LRP11: variants seen among roughly 807,000 people sequenced by gnomAD.
LRP11 encodes the protein LDL receptor related protein 11, also known as low-density lipoprotein receptor-related protein 11.
A neutral mutation model predicts 43.1 loss-of-function variants in LRP11; 25 were observed. The ratio of observed to expected loss-of-function variants is 0.58; its 90% confidence interval spans 0.42 to 0.81. The LOEUF (loss-of-function observed/expected upper bound fraction) is 0.81. LRP11 is among the 30% of genes least tolerant of loss of function. The pLI, the probability that LRP11 is intolerant of heterozygous loss-of-function variation, is 0.00. For synonymous variants in LRP11, 316 were observed against 299.4 expected (o/e 1.06, Z -0.57); for missense variants, 623 against 665.1 (o/e 0.94, Z 0.70).
rs143912409 is a variant in LRP11, at chr6:149,822,853, T to C, written c.1349-2150A>G. Among the ~76,000 whole-genome samples, 8 of 152,314 alleles carry C rather than the reference T, an allele frequency of 5.3e-5. No individual in the cohort carries two copies. The East Asian group carries it at 1.5e-3, about 29-fold the overall frequency. The stretch of plus-strand genomic sequence containing the variant: ...TGGCTGAAGGAGGTAAGTTTATTTT[T>C]TGACATTTTCAGATTGAGATGCCTA... On this transcript the variant is annotated intron_variant, in intron 6 of 6. Coordinates refer to ENST00000239367, the MANE Select transcript of LRP11 (RefSeq NM_032832.6).
chr6:149,836,376 G>C lies in LRP11; in HGVS notation c.1040-79C>G. 10 of 1,236,748 alleles carry C rather than the reference G, an allele frequency of 8.1e-6. No homozygotes were observed. In the South Asian group the frequency reaches 1.3e-4, roughly 16 times the overall value. The allele number at this position is 1,236,748 out of a possible 1,614,324, so 76.6% of individuals were successfully genotyped here. On this transcript the variant is annotated intron_variant, in intron 4 of 6. Transcript: ENST00000239367. ...TACTAAAAACACTACATCTGCAGCT[G>C]ATTTAAAATCACGGATATTTGGATG...
chr6:149,854,558 T>C (rs1387235326), intron 1 of LRP11, among the ~76,000 whole-genome samples: 2 of 152,226 alleles, frequency 1.3e-5, no homozygotes, highest in Non-Finnish European at 2.9e-5. Flanking sequence ...TACCAAAATT[T>C]TAATTGATGT....
chr6:149,832,191 C>CTTTTTTTTTT (rs5880854), intron 5 of LRP11, among the ~76,000 whole-genome samples: 2 of 130,138 alleles, frequency 1.5e-5, no homozygotes, highest in African/African-American at 6.0e-5. Context: ...TGAGCTAAGT[C>CTTTTTTTTTT]TTTTTTTTTT....
Position 149,829,434 on chromosome 6 carries a change from G to A in LRP11, c.1253-3075C>T, listed in dbSNP as rs147998522. Among the ~76,000 whole-genome samples the A allele has an allele frequency of 5.0e-3, 766 of 152,122 alleles. 4 individuals are homozygous for A. The highest frequency in any genetic ancestry group is 0.018 in the African/African-American group (735 of 41,498). On this transcript the variant is annotated intron_variant, in intron 5 of 6. Transcript: ENST00000239367. ...AAATTAGCTGGGAATGACGGCACAC[G>A]CTTGTGATCTCAGCTACTTGGGAGG...
At chr6:149,834,892 G>T (rs1178789910) in intron 5 of LRP11, among the ~76,000 whole-genome samples, 1 of 152,168 alleles carries the variant, frequency 6.6e-6, no homozygotes, top group African/African-American at 2.4e-5. Context: ...ATTAAAAGCA[G>T]TTTTCAAAAG....
intron 1 of LRP11, among the ~76,000 whole-genome samples, chr6:149,857,279 C>T (rs1266416552): frequency 2.6e-5 from 4 of 152,066 alleles, no homozygotes; most frequent in Non-Finnish European, 5.9e-5. Context: ...TGCTTGTAAT[C>T]CCAGCACTTT....
At chr6:149,856,563 C>T (rs371437538) in intron 1 of LRP11, among the ~76,000 whole-genome samples, 1 of 152,208 alleles carries the variant, frequency 6.6e-6, no homozygotes, top group South Asian at 2.1e-4. Flanking sequence ...TAATGAAGAA[C>T]AAAATATATG....
At chr6:149,844,316 T>C (rs1403990565) in intron 2 of LRP11, among the ~76,000 whole-genome samples, 1 of 152,264 alleles carries the variant, frequency 6.6e-6, no homozygotes, top group East Asian at 1.9e-4. Flanking sequence ...CTGGCCACTT[T>C]GGCTGTTTGA....
At chr6:149,831,657 T>C (rs1397350795) in intron 5 of LRP11, among the ~76,000 whole-genome samples, 1 of 152,138 alleles carries the variant, frequency 6.6e-6, no homozygotes, top group Non-Finnish European at 1.5e-5. Context: ...AGTGGGACAA[T>C]TGGGTCAAAG....
At position 149,827,565 on chromosome 6, in the gene LRP11, C is replaced by G. The variant is rs1776355903; in HGVS notation, c.1253-1206G>C. ...GTTCCATGTATGTTGGTCCTACATA[C>G]AGCCAATAATTTGGGCTTTCTCCAT... is the stretch of plus-strand genomic sequence containing the variant. On this transcript the variant is annotated intron_variant, in intron 5 of 6. Transcript: ENST00000239367. This position sits in a 1 kb window ranked among gnomAD's most constrained non-coding sequence, Gnocchi z 4.2. Among the ~76,000 whole-genome samples, 1 of 152,222 alleles carries G rather than the reference C, an allele frequency of 6.6e-6. No homozygotes were observed. The highest frequency in any genetic ancestry group is 1.5e-5 in the Non-Finnish European group (1 of 68,048).
chr6:149,835,284 G>C (rs1318316519), intron 5 of LRP11, among the ~76,000 whole-genome samples: 1 of 152,122 alleles, frequency 6.6e-6, no homozygotes, highest in Admixed American at 6.5e-5. Flanking sequence ...GCTAAATTCT[G>C]TAATGCTTTA....
rs772652959 is a variant in LRP11 at position 149,843,050 on chromosome 6, G to A, written c.846C>T (p.Asp282=). The change falls in exon 3 of 7, where the codon GAC becomes GAT. Residue 282 remains aspartate, a synonymous_variant. Coordinates refer to ENST00000239367, the MANE Select transcript of LRP11 (RefSeq NM_032832.6). The part of the protein sequence containing the change: ...GTYTFQLTVT[D]TAGQRSSDNV... ...TGTCAGAGCTTCTCTGCCCGGCAGT[G>A]TCCGTCACGGTCAGCTGGAAGGTGT... 6.2e-7 allele frequency: 1 copy of A among 1,614,210 alleles called. No homozygotes were observed. Among genetic ancestry groups the A allele is most frequent in the Non-Finnish European group, 8.5e-7 (1 of 1,180,024 alleles).
chr6:149,825,509 A>G (rs1376780984), intron 6 of LRP11, among the ~76,000 whole-genome samples: 2 of 152,174 alleles, frequency 1.3e-5, no homozygotes, highest in African/African-American at 4.8e-5. Flanking sequence ...AGTGCATTCA[A>G]TGCTTGAGAT....
intron 2 of LRP11, among the ~76,000 whole-genome samples, chr6:149,849,369 T>G (rs1235422434): frequency 6.6e-6 from 1 of 152,202 alleles, no homozygotes; most frequent in Non-Finnish European, 1.5e-5. Context: ...GTTAAGTGGA[T>G]GTAAAATATC....
At chr6:149,861,232 G>C (rs576522438) in intron 1 of LRP11, among the ~76,000 whole-genome samples, 2 of 152,216 alleles carry the variant, frequency 1.3e-5, no homozygotes, top group East Asian at 3.9e-4. Context: ...CTGAGCAGGG[G>C]ACACACAGGA....
intron 1 of LRP11, among the ~76,000 whole-genome samples, chr6:149,861,397 C>T (rs1195720865): frequency 6.6e-6 from 1 of 152,166 alleles, no homozygotes; most frequent in Non-Finnish European, 1.5e-5. Flanking sequence ...CCGCGCTCGC[C>T]TATTTTCATC....
chr6:149,859,396 A>ATATATATATATATTTTTTTTTTTTTTTT, intron 1 of LRP11, among the ~76,000 whole-genome samples: 1 of 71,496 alleles, frequency 1.4e-5, no homozygotes, highest in African/African-American at 8.2e-5. Flanking sequence ...ATATATATAT[A>ATATATATATATATTTTTTTTTTTTTTTT]TTTTTTTTTT....
chr6:149,855,484 G>T (rs1287852221), intron 1 of LRP11, among the ~76,000 whole-genome samples: 1 of 152,104 alleles, frequency 6.6e-6, no homozygotes, highest in Non-Finnish European at 1.5e-5. Flanking sequence ...ACTTTGAGTT[G>T]GTCTGGTGAG....
chr6:149,832,620 CTTTTTT>C (rs10712132), intron 5 of LRP11, among the ~76,000 whole-genome samples: 1 of 96,434 alleles, frequency 1.0e-5, no homozygotes, highest in South Asian at 3.6e-4. Context: ...CAACAATGTA[CTTTTTT>C]TTTTTTTTTT....
Sources: allele counts gnomAD v4.1 joint callset (sites outside exome capture counted in the v4.1 genomes callset), GRCh38; gene constraint gnomAD v4.1.1; non-coding constraint Gnocchi (gnomAD v3.1); transcripts MANE v1.5; gene names NCBI Gene and HGNC (gene_info 2026-07-23, HGNC 2026-07-21).